WDR72: variants seen among roughly 807,000 people sequenced by gnomAD.
WDR72 encodes the protein WD repeat domain 72.
WDR72 carries 120 observed loss-of-function variants against 124.2 expected under a neutral mutation model. The ratio of observed to expected loss-of-function variants is 0.97; its 90% CI spans 0.83 to 1.12. The LOEUF is 1.12. Ranked by LOEUF, WDR72 falls within the 50% of genes most tolerant of loss-of-function variation. WDR72 has a pLI of 0.00. For synonymous variants in WDR72, 452 were observed against 441.7 expected, an observed-to-expected ratio of 1.02 and a Z score of -0.29; for missense variants, 1,387 against 1,278.8, an observed-to-expected ratio of 1.08 and a Z score of -1.29.
At chr15:53,759,117 G>A (rs111935788) in intron 1 of WDR72, among the ~76,000 whole-genome samples, 120 of 152,176 alleles carry the variant, frequency 7.9e-4, no homozygotes, top group Middle Eastern at 3.4e-3. Context: ...TCACACCCCA[G>A]CAGGCTTAGG....
At chr15:53,540,228 T>C (rs7342586) in intron 18 of WDR72, among the ~76,000 whole-genome samples, 8,019 of 152,218 alleles carry the variant, frequency 0.053, 726 homozygotes, top group African/African-American at 0.18. Context: ...GACAAGAATA[T>C]AGAAAACCTA....
intron 13 of WDR72, among the ~76,000 whole-genome samples, chr15:53,686,859 GTC>G (rs1417605018): frequency 4.0e-5 from 6 of 151,614 alleles, no homozygotes; most frequent in Non-Finnish European, 8.8e-5. Flanking sequence ...ATAACAAACT[GTC>G]TCTCAGACCA....
intron 9 of WDR72, 60 bp from the exon 10 acceptor site, chr15:53,706,134 T>C: frequency 6.4e-7 from 1 of 1,557,074 alleles, no homozygotes; most frequent in Non-Finnish European, 8.8e-7. Context: ...ATGGCCACTG[T>C]TTTTAAATGG....
chr15:53,647,592 A>C (rs1399064808), intron 14 of WDR72, among the ~76,000 whole-genome samples: 1 of 151,980 alleles, frequency 6.6e-6, no homozygotes, highest in Non-Finnish European at 1.5e-5. Flanking sequence ...CGGTATTTTT[A>C]CCAAATGCTT....
intron 18 of WDR72, among the ~76,000 whole-genome samples, chr15:53,530,595 G>A (rs1273303614): frequency 6.6e-6 from 1 of 151,944 alleles, no homozygotes; most frequent in Admixed American, 6.6e-5. Context: ...TTGATAAATT[G>A]AAGAACAGTC....
intron 6 of WDR72, 33 bp downstream of exon 6, chr15:53,714,390 TGCTTGAAATTG>T (rs2017644515): frequency 6.9e-7 from 1 of 1,445,758 alleles, no homozygotes; most frequent in African/African-American, 1.4e-5. Context: ...TTAATGAATA[TGCTTGAAATTG>T]TAAGGAAAAA....
intron 1 of WDR72, among the ~76,000 whole-genome samples, chr15:53,754,116 G>T (rs2018839993): frequency 6.6e-6 from 1 of 152,082 alleles, no homozygotes; most frequent in Admixed American, 6.6e-5. Context: ...AACTACAGGG[G>T]TGGTTAAGAT....
intron 13 of WDR72, among the ~76,000 whole-genome samples, chr15:53,697,143 AAAAC>A (rs2017027470): frequency 1.3e-5 from 2 of 152,252 alleles, no homozygotes; most frequent in Admixed American, 1.3e-4. Flanking sequence ...CGGAAATTCT[AAAAC>A]AAACTTTTTA....
At chr15:53,758,212 G>C (rs2140906499) in intron 1 of WDR72, among the ~76,000 whole-genome samples, 1 of 152,150 alleles carries the variant, frequency 6.6e-6, no homozygotes, top group East Asian at 1.9e-4. Context: ...TGTTGCCCAG[G>C]CTGGTCTGGA....
chr15:53,695,917 G>A (rs2470069), intron 13 of WDR72, among the ~76,000 whole-genome samples: 94,743 of 152,026 alleles, frequency 0.62, 31,020 homozygotes, highest in East Asian at 0.83. Flanking sequence ...CTCTATAATC[G>A]AGGAAGGGTG....
intron 13 of WDR72, among the ~76,000 whole-genome samples, chr15:53,689,842 T>C (rs1723345197): frequency 6.6e-6 from 1 of 151,738 alleles, no homozygotes; most frequent in African/African-American, 2.4e-5. Context: ...ATAGACTGGA[T>C]TAAGAAAATG....
chr15:53,724,386 A>G (rs897934782), intron 2 of WDR72, among the ~76,000 whole-genome samples: 4 of 152,232 alleles, frequency 2.6e-5, no homozygotes, highest in Admixed American at 2.6e-4. Context: ...ACTGCTATAA[A>G]GAACTACCTG....
At chr15:53,583,810 T>C (rs1175740986) in intron 18 of WDR72, among the ~76,000 whole-genome samples, 1 of 152,024 alleles carries the variant, frequency 6.6e-6, no homozygotes, top group Non-Finnish European at 1.5e-5. Context: ...AAGTAGGTGA[T>C]GTAATGACTC....
intron 18 of WDR72, among the ~76,000 whole-genome samples, chr15:53,583,462 G>A (rs2012037590): frequency 6.6e-6 from 1 of 151,932 alleles, no homozygotes; most frequent in Admixed American, 6.6e-5. Context: ...AAGTCCCTGA[G>A]GAAATTCTGA....
intron 18 of WDR72, among the ~76,000 whole-genome samples, 173 bp from the exon 19 acceptor site, chr15:53,523,495 C>T (rs2140212358): frequency 6.6e-6 from 1 of 152,112 alleles, no homozygotes; most frequent in East Asian, 1.9e-4. Flanking sequence ...TATTGGCAGA[C>T]ATGTAATTAG....
At chr15:53,600,364 G>A (rs2012990626) in intron 17 of WDR72, among the ~76,000 whole-genome samples, 1 of 152,072 alleles carries the variant, frequency 6.6e-6, no homozygotes, top group South Asian at 2.1e-4. Flanking sequence ...TAATGAGCTA[G>A]TATTGAGCAT....
chr15:53,549,902 C>G (rs1008663181), intron 18 of WDR72, among the ~76,000 whole-genome samples: 1 of 152,154 alleles, frequency 6.6e-6, no homozygotes, highest in Non-Finnish European at 1.5e-5. Flanking sequence ...ATCTAGGTCC[C>G]AGGGTTTCCC....
rs142865515 is a variant in WDR72 at position 53,613,910 on chromosome 15, T to A, written c.2781-153A>T. Among the ~76,000 whole-genome samples, 1,336 of 152,004 alleles carry A rather than the reference T, an allele frequency of 8.8e-3. 19 individuals carry two copies. The highest frequency in any genetic ancestry group is 0.031 in the African/African-American group (1,287 of 41,444). ...ATATCTTTCACATCAATTTCTCTTGTGAATCTGATTTCCTCACTTTGCTCC... is the reference window on the plus strand; with the variant it reads ...ATATCTTTCACATCAATTTCTCTTGAGAATCTGATTTCCTCACTTTGCTCC... On this transcript the variant is annotated intron_variant, in intron 15 of 19. Transcript: ENST00000360509.
intron 14 of WDR72, among the ~76,000 whole-genome samples, chr15:53,662,153 A>G (rs111554360): frequency 6.0e-4 from 91 of 152,260 alleles, no homozygotes; most frequent in African/African-American, 1.9e-3. Context: ...AACAGGTTCT[A>G]TCTTGTCTTA....
Sources: gnomAD v4.1 joint callset for allele counts (sites outside exome capture counted in the v4.1 genomes callset) on GRCh38, gnomAD v4.1.1 for gene constraint, MANE v1.5 for transcripts, NCBI Gene and HGNC (gene_info 2026-07-23, HGNC 2026-07-21) for gene names.